The following RHOBTB3 variants were observed in gnomAD, a reference collection of about 807,000 sequenced individuals.
The protein encoded by RHOBTB3 is Rho related BTB domain containing 3, also known as rho-related BTB domain-containing protein 3.
In RHOBTB3, 47 loss-of-function variants were observed where a neutral mutation model predicts 67.2. The ratio of observed to expected loss-of-function variants is 0.70; its 90% CI spans 0.55 to 0.89. The LOEUF (loss-of-function observed/expected upper bound fraction) is 0.89. Ranked by LOEUF, RHOBTB3 falls within the 40% of genes least tolerant of loss-of-function variation. The pLI, the probability that RHOBTB3 is intolerant of heterozygous loss-of-function variation, is 0.00. For synonymous variants in RHOBTB3, 273 were observed against 274.2 expected, an observed-to-expected ratio of 1.00 and a Z score of 0.04; for missense variants, 631 against 750.0, an observed-to-expected ratio of 0.84 and a Z score of 1.85.
chr5:95,793,054 T>G lies in RHOBTB3; in HGVS notation c.1721-5T>G, dbSNP rs780696853. 1 of 1,603,128 alleles carries G rather than the reference T, an allele frequency of 6.2e-7. No homozygotes were observed. The highest frequency in any genetic ancestry group is 1.7e-5 in the Admixed American group (1 of 59,142). On this transcript the variant is annotated splice_region_variant and splice_polypyrimidine_tract_variant and intron_variant, in intron 11 of 11. Transcript: ENST00000379982. ...CGGTTAACAGTCTTTTTCTTAAAAC[T>G]TCAGTGGAAGAACGCAGTTTTGTTG...
At chr5:95,735,935 CTGCTAAAG>C (rs1383293968) in intron 2 of RHOBTB3, among the ~76,000 whole-genome samples, 2 of 152,162 alleles carry the variant, frequency 1.3e-5, no homozygotes, top group Non-Finnish European at 2.9e-5. Flanking sequence ...AACCCCATCT[CTGCTAAAG>C]TACAAAAAAA....
chr5:95,752,374 G>C, intron 5 of RHOBTB3, 24 bp downstream of exon 5: 1 of 1,402,186 alleles, frequency 7.1e-7, no homozygotes, highest in South Asian at 1.2e-5. Context: ...CCAATGTCTA[G>C]ACATTCATTA....
At chr5:95,787,456 A>T (rs1318215909) in intron 10 of RHOBTB3, among the ~76,000 whole-genome samples, 1 of 51,978 alleles carries the variant, frequency 1.9e-5, no homozygotes, top group Non-Finnish European at 4.0e-5. Context: ...ACAGCTTTAA[A>T]AAAAAAAAAA....
rs991119291 is a variant in RHOBTB3 at position 95,779,152 on chromosome 5, G to C, written c.1283-1100G>C. Among the ~76,000 whole-genome samples, 42 of 152,232 alleles carry C rather than the reference G, an allele frequency of 2.8e-4. 1 individual carries two copies. The highest frequency in any genetic ancestry group is 4.4e-5 in the Non-Finnish European group (3 of 68,046). ...AGAGAAGACTATATATCCCTGATGAGTATGAGATTTTAGAGATGTGTGGGT... is the reference window on the plus strand; with the variant it reads ...AGAGAAGACTATATATCCCTGATGACTATGAGATTTTAGAGATGTGTGGGT... On this transcript the variant is annotated intron_variant, in intron 8 of 11. Coordinates refer to ENST00000379982, the MANE Select transcript of RHOBTB3 (RefSeq NM_014899.4).
intron 1 of RHOBTB3, 54 bp downstream of exon 1, chr5:95,731,738 C>T: frequency 6.2e-7 from 1 of 1,611,880 alleles, no homozygotes; most frequent in Non-Finnish European, 8.5e-7. Flanking sequence ...TGCCGTGCGC[C>T]CCAGGGACAG....
chr5:95,720,519 T>C (rs1195090789), intron 1 of RHOBTB3, among the ~76,000 whole-genome samples: 2 of 152,234 alleles, frequency 1.3e-5, no homozygotes, highest in African/African-American at 2.4e-5. Context: ...GTGTACAATT[T>C]GTGCCTGTTT....
chr5:95,735,002 C>G (rs568510052), intron 2 of RHOBTB3, among the ~76,000 whole-genome samples: 1 of 152,186 alleles, frequency 6.6e-6, no homozygotes, highest in Admixed American at 6.5e-5. Flanking sequence ...ATTGGCCCCA[C>G]TTTTGTTTAG....
intron 8 of RHOBTB3, chr5:95,770,510 T>A (rs1745677713): frequency 3.0e-6 from 1 of 334,418 alleles, no homozygotes. Context: ...CAGAAGTTGG[T>A]TATGAGCTAT....
rs1227948630 is a variant in RHOBTB3, at chr5:95,795,008, A to G, written c.*1834A>G. Reference sequence around the variant, plus strand: ...TCCCAGCTACTCAGGAAGCTGAGGCAGGAAAATCGCTTGAACCTGGGAGGT... The same window carrying G: ...TCCCAGCTACTCAGGAAGCTGAGGCGGGAAAATCGCTTGAACCTGGGAGGT... On this transcript the variant is annotated 3_prime_UTR_variant, in exon 12 of 12. Coordinates refer to ENST00000379982, the MANE Select transcript of RHOBTB3 (RefSeq NM_014899.4). The G allele has an allele frequency of 1.3e-5, 2 of 150,902 alleles. No individual in the cohort carries two copies. The highest frequency in any genetic ancestry group is 4.9e-5 in the African/African-American group (2 of 41,048). 9.3% of individuals were successfully genotyped at this position (150,902 alleles called of 1,614,324 possible). A position where few individuals can be genotyped will look rare whatever the true frequency, so the allele number is the denominator to read the frequency against.
chr5:95,793,007 T>C (rs761005625), intron 11 of RHOBTB3, 52 bp from the exon 12 acceptor site: 9 of 1,231,502 alleles, frequency 7.3e-6, no homozygotes, highest in South Asian at 3.7e-5. Flanking sequence ...GATATCTTAA[T>C]TGATCCATAA....
chr5:95,740,147 T>C (rs1479113792), intron 3 of RHOBTB3, among the ~76,000 whole-genome samples: 3 of 152,226 alleles, frequency 2.0e-5, no homozygotes, highest in Non-Finnish European at 4.4e-5. Flanking sequence ...CCATGTAAGA[T>C]GTAACTTTGC....
chr5:95,769,906 T>G (rs1745658312), intron 8 of RHOBTB3: 1 of 355,436 alleles, frequency 2.8e-6, no homozygotes, highest in African/African-American at 2.1e-5. Flanking sequence ...TTGAATAGGC[T>G]AAAAGCTGGT....
chr5:95,743,469 G>A (rs1014332763), intron 3 of RHOBTB3, among the ~76,000 whole-genome samples: 7 of 151,984 alleles, frequency 4.6e-5, no homozygotes, highest in Non-Finnish European at 8.8e-5. Flanking sequence ...TCTAGGTGTG[G>A]CTGCAGTGTG....
chr5:95,721,902 G>C (rs1055284037), intron 1 of RHOBTB3, among the ~76,000 whole-genome samples: 2 of 152,036 alleles, frequency 1.3e-5, no homozygotes, highest in African/African-American at 4.8e-5. Context: ...AATATATAAT[G>C]GCATTAGCAG....
rs1478451937 is a variant in RHOBTB3, at chr5:95,736,930, TG to T, written c.275del (p.Gly92AlafsTer6). On this transcript the variant is annotated frameshift_variant, in exon 3 of 12. Coordinates refer to ENST00000379982, the MANE Select transcript of RHOBTB3 (RefSeq NM_014899.4). LOFTEE classifies it high-confidence loss of function. ...ATTGGTACACTTCTCGAAATCTAAT[TG>T]GGGGCGCTGACATCATTGTGATCAA... is the stretch of plus-strand genomic sequence containing the variant. ...SDWYTSRNLI[G>X]GADIIVIKYN... 6.2e-7 allele frequency: 1 copy of T among 1,611,606 alleles called. No individual in the cohort carries two copies. The highest frequency in any genetic ancestry group is 2.2e-5 in the East Asian group (1 of 44,704).
At chr5:95,766,613 AGAG>A (rs1422308614) in intron 7 of RHOBTB3, among the ~76,000 whole-genome samples, 6 of 149,274 alleles carry the variant, frequency 4.0e-5, no homozygotes, top group African/African-American at 1.5e-4. Context: ...AAAAAAAAAA[AGAG>A]AAAGAAAGCA....
rs369600014 is a variant in RHOBTB3 at position 95,731,654 on chromosome 5, G to A, written c.-29G>A. 338 of 1,612,930 alleles carry A rather than the reference G, an allele frequency of 2.1e-4. No homozygotes were observed. Among genetic ancestry groups the A allele is most frequent in the Non-Finnish European group, 2.7e-4 (322 of 1,179,696 alleles). On this transcript the variant is annotated 5_prime_UTR_variant, in exon 1 of 12. Coordinates refer to ENST00000379982, the MANE Select transcript of RHOBTB3 (RefSeq NM_014899.4). The stretch of plus-strand genomic sequence containing the variant: ...GCCGTGAGCCGCTGCTTTTCTCCGA[G>A]TCGCCGCCCTGCCCTTGGATTTGAG...
chr5:95,742,495 C>T (rs965215191), intron 3 of RHOBTB3, among the ~76,000 whole-genome samples: 2 of 152,158 alleles, frequency 1.3e-5, no homozygotes, highest in Non-Finnish European at 2.9e-5. Flanking sequence ...TCCATTTTCT[C>T]TATTCTCTTC....
upstream of RHOBTB3, among the ~76,000 whole-genome samples, chr5:95,730,233 C>T (rs1435904517): frequency 6.6e-6 from 1 of 152,178 alleles, no homozygotes; most frequent in African/African-American, 2.4e-5. Context: ...TCAATACCCC[C>T]TCTTTCATAC....
Sources: gnomAD v4.1 joint callset for allele counts (sites outside exome capture counted in the v4.1 genomes callset) on GRCh38, gnomAD v4.1.1 for gene constraint, MANE v1.5 for transcripts, NCBI Gene and HGNC (gene_info 2026-07-23, HGNC 2026-07-21) for gene names.